The following MCM7 variants were observed in gnomAD, a reference collection of about 807,000 sequenced individuals.
The protein encoded by MCM7 is minichromosome maintenance complex component 7, also known as DNA replication licensing factor MCM7.
MCM7 carries 95 observed loss-of-function variants against 83.5 expected under a neutral mutation model. The ratio of observed to expected loss-of-function variants is 1.14; its 90% CI spans 0.96 to 1.35. MCM7 has a LOEUF of 1.35. Among genes scored for constraint, MCM7 ranks in the 40% most tolerant of loss-of-function variants. The probability of loss-of-function intolerance (pLI) is 0.00; values close to 1 mark genes in which losing one functional copy is unlikely to be tolerated. For synonymous variants in MCM7, 461 were observed against 352.7 expected (o/e 1.31, Z -3.44); for missense variants, 1,087 against 957.4 (o/e 1.14, Z -1.79).
intron 1 of MCM7, 21 bp from the exon 2 acceptor site, chr7:100,100,114 C>T (rs372512173): frequency 4.3e-6 from 7 of 1,612,656 alleles, no homozygotes; most frequent in African/African-American, 2.7e-5. Flanking sequence ...AAATGTAAAA[C>T]CGTAAGACAC....
rs376400426 is a variant in MCM7, at chr7:100,098,654, C to T, written c.644G>A (p.Arg215His). 77 of 1,614,032 alleles carry T rather than the reference C, an allele frequency of 4.8e-5. No homozygotes were observed. Among genetic ancestry groups the T allele is most frequent in the East Asian group, 4.2e-4 (19 of 44,884 alleles). ...CTGCAGATACAGCCGCCCTCCTGAG[C>T]GGTTGGTTTGGCACTCCTGGCTTGG... ...MCPSQECQTN[R>H]SGGRLYLQTR... Residue 215 changes from arginine (R) to histidine (H), a missense_variant, in exon 6 of 15, where the codon CGC (arginine) becomes CAC (histidine). Coordinates refer to ENST00000303887, the MANE Select transcript of MCM7 (RefSeq NM_005916.5).
rs139535707 is a variant in MCM7, at chr7:100,095,774, C to G, written c.1595G>C (p.Arg532Pro). ...QDRPDRDNDL[R>P]LAQHITYVHQ... is the part of the protein sequence containing the mutation. Reference sequence around the variant, plus strand: ...TCTTTGGGTGTTGAGCTTCATTCACCGTAGGTCATTGTCTCGGTCGGGCCG... The same window carrying G: ...TCTTTGGGTGTTGAGCTTCATTCACGGTAGGTCATTGTCTCGGTCGGGCCG... The change falls in exon 11 of 15, where the codon CGG (arginine) becomes CCG (proline). Residue 532 changes from arginine to proline, a missense_variant and splice_region_variant. Physicochemically the swap from Arg to Pro is moderately radical, Grantham distance 103 (BLOSUM62 -2). Coordinates refer to ENST00000303887, the MANE Select transcript of MCM7 (RefSeq NM_005916.5). 1.3e-6 allele frequency: 2 copies of G among 1,571,884 alleles called. No individual in the cohort carries two copies. Among genetic ancestry groups the G allele is most frequent in the South Asian group, 2.3e-5 (2 of 87,292 alleles).
chr7:100,097,258 T>C (rs1437498350), intron 10 of MCM7, 43 bp downstream of exon 10: 7 of 1,548,582 alleles, frequency 4.5e-6, no homozygotes, highest in East Asian at 2.2e-5. Flanking sequence ...ACTGTGGTCC[T>C]GTCTGTCACT....
At position 100,095,986 on chromosome 7, in the gene MCM7, G is replaced by A. The variant is rs1356182495; in HGVS notation, c.1383C>T (p.Val461=). 1 of 1,613,974 alleles carries A rather than the reference G, an allele frequency of 6.2e-7. No individual in the cohort carries two copies. Among genetic ancestry groups the A allele is most frequent in the Admixed American group, 1.7e-5 (1 of 60,000 alleles). ...AEADRTAIHE[V]MEQQTISIAK... is the part of the protein sequence containing the mutation. ...CAATGGAGATGGTCTGCTGCTCCAT[G>A]ACCTCGTGGATGGCTGTGCGGTCGG... is the stretch of plus-strand genomic sequence containing the variant. Residue 461 remains valine, a synonymous_variant, in exon 11 of 15, where the codon GTC becomes GTT. Transcript: ENST00000303887.
chr7:100,094,101 A>T lies in MCM7; in HGVS notation c.1848+72T>A. ...CTGGAGCGGGAGGTGGGGAGGCGGCAATGAGAGCACGGTAAGGAGCTACCC... is the reference window on the plus strand; with the variant it reads ...CTGGAGCGGGAGGTGGGGAGGCGGCTATGAGAGCACGGTAAGGAGCTACCC... On this transcript the variant is annotated intron_variant, in intron 13 of 14. Transcript: ENST00000303887. The T allele has an allele frequency of 3.1e-6, 5 of 1,592,586 alleles. No individual in the cohort carries two copies. In the South Asian group the frequency reaches 5.5e-5, roughly 18 times the overall value.
rs959571356 is a variant in MCM7 at position 100,101,160 on chromosome 7, C to T, written c.31+104G>A. On this transcript the variant is annotated intron_variant, in intron 1 of 14. Coordinates refer to ENST00000303887, the MANE Select transcript of MCM7 (RefSeq NM_005916.5). ...ACCCTGCCTCTGGCCTCGCGCACCC[C>T]AGAACCCGCCGACCCCGGTCCCCCA... is the stretch of plus-strand genomic sequence containing the variant. 21 of 1,476,744 alleles carry T rather than the reference C, an allele frequency of 1.4e-5. No individual in the cohort carries two copies. In the Admixed American group the frequency reaches 2.9e-4, roughly 20 times the overall value. The allele number at this position is 1,476,744 out of a possible 1,614,324, so 91.5% of individuals were successfully genotyped here.
chr7:100,096,202 AAG>A (rs763841464), intron 10 of MCM7, 35 bp from the exon 11 acceptor site: 1 of 1,521,710 alleles, frequency 6.6e-7, no homozygotes, highest in Non-Finnish European at 8.8e-7. Context: ...ATGAGAGAGA[AAG>A]AACAAGAAAG....
At position 100,099,644 on chromosome 7, in the gene MCM7, G is replaced by A. The variant is rs759948279; in HGVS notation, c.221C>T (p.Ala74Val). 6.2e-6 allele frequency: 10 copies of A among 1,614,096 alleles called. No homozygotes were observed. The highest frequency in any genetic ancestry group is 1.1e-5 in the South Asian group (1 of 91,078). The change falls in exon 3 of 15, where the codon GCG becomes GTG. Residue 74 changes from alanine (A) to valine (V), a missense_variant. Ala to Val is a moderately conservative substitution (Grantham distance 64). Coordinates refer to ENST00000303887, the MANE Select transcript of MCM7 (RefSeq NM_005916.5). ...TTGTACGGCATCAGCAAAGAGCTTCGCGTAGCGCCTGGCATTCTCACAAAT... is the reference window on the plus strand; with the variant it reads ...TTGTACGGCATCAGCAAAGAGCTTCACGTAGCGCCTGGCATTCTCACAAAT... ...DSICENARRY[A>V]KLFADAVQEL...
Position 100,098,592 on chromosome 7 carries a change from T to C in MCM7, c.706A>G (p.Lys236Glu). 2.5e-6 allele frequency: 4 copies of C among 1,614,206 alleles called. No homozygotes were observed. The highest frequency in any genetic ancestry group is 3.4e-6 in the Non-Finnish European group (4 of 1,180,034). Residue 236 changes from lysine (K) to glutamate (E), a missense_variant, in exon 6 of 15, where the codon AAG (lysine) becomes GAG (glutamate). Transcript: ENST00000303887. ...CCCAAACTCACATGTTCTTGCATCT[T>C]CATCTCCTGGAATTTGATGAATCTG... Reference protein sequence around the residue: ...GSRFIKFQEMKMQEHSDQVPV... With the variant: ...GSRFIKFQEMEMQEHSDQVPV...
chr7:100,098,384 C>T (rs1795758405), intron 6 of MCM7, 94 bp from the exon 7 acceptor site: 3 of 1,523,134 alleles, frequency 2.0e-6, no homozygotes, highest in African/African-American at 2.7e-5. Flanking sequence ...CCAGGCTACC[C>T]AGCCACAGAC....
chr7:100,095,662 G>A, intron 11 of MCM7, 112 bp downstream of exon 11: 1 of 1,426,916 alleles, frequency 7.0e-7, no homozygotes. Context: ...CTGCTGCAAA[G>A]GGGAGGCTCT....
chr7:100,093,090 G>A lies in MCM7; in HGVS notation c.2002C>T (p.Leu668=). 6.2e-7 allele frequency: 1 copy of A among 1,614,224 alleles called. No homozygotes were observed. Among genetic ancestry groups the A allele is most frequent in the East Asian group, 2.2e-5 (1 of 44,884 alleles). Residue 668 remains leucine, a synonymous_variant, in exon 15 of 15, where the codon CTG becomes TTG. Coordinates refer to ENST00000303887, the MANE Select transcript of MCM7 (RefSeq NM_005916.5). ...ADVIFATVRE[L]VSGGRSVRFS... ...CGGACACTTCGGCCCCCTGAGACCA[G>A]TTCACGGACGGTGGCAAATATCACA... is the stretch of plus-strand genomic sequence containing the variant.
Position 100,099,808 on chromosome 7 carries a change from G to A in MCM7, c.112-55C>T, listed in dbSNP as rs1795853638. On this transcript the variant is annotated intron_variant, in intron 2 of 14. Coordinates refer to ENST00000303887, the MANE Select transcript of MCM7 (RefSeq NM_005916.5). The stretch of plus-strand genomic sequence containing the variant: ...AGAGCCACATTCACTTTGCTCACCA[G>A]TGTTCATATGTGAAAATGCATCACT... 2.3e-5 allele frequency: 37 copies of A among 1,596,390 alleles called. No homozygotes were observed. The East Asian group carries it at 3.6e-4, about 15-fold the overall frequency.
chr7:100,096,270 T>C (rs1286001655), intron 10 of MCM7, 103 bp from the exon 11 acceptor site: 4 of 1,157,518 alleles, frequency 3.5e-6, no homozygotes, highest in Non-Finnish European at 4.7e-6. Context: ...GCTGGGATCA[T>C]TCCACTCCCT....
intron 1 of MCM7, chr7:100,100,450 CCT>C (rs1795916696): frequency 1.2e-5 from 12 of 1,003,084 alleles, no homozygotes; most frequent in African/African-American, 1.7e-5. Flanking sequence ...CCCCTTAGCC[CCT>C]GATTTCACCG....
At chr7:100,096,531 G>C (rs545483647) in intron 10 of MCM7, among the ~76,000 whole-genome samples, 1 of 152,296 alleles carries the variant, frequency 6.6e-6, no homozygotes, top group Admixed American at 6.5e-5. Flanking sequence ...CAGCACTTTC[G>C]GAGGCCGATA....
At chr7:100,099,496 C>G (rs1332588459) in intron 3 of MCM7, 93 bp from the exon 4 acceptor site, 1 of 1,585,232 alleles carries the variant, frequency 6.3e-7, no homozygotes, top group Non-Finnish European at 8.6e-7. Context: ...CCCCTCCTTT[C>G]TGCCTGCTCA....
At position 100,101,377 on chromosome 7, in the gene MCM7, T is replaced by A; in HGVS notation, c.-83A>T. 1.9e-6 allele frequency: 3 copies of A among 1,583,890 alleles called. No homozygotes were observed. The highest frequency in any genetic ancestry group is 1.7e-5 in the Admixed American group (1 of 59,252). On this transcript the variant is annotated 5_prime_UTR_variant, in exon 1 of 15. Transcript: ENST00000303887. ...AGCTGAGAATCTCCGCGCGGTGGAC[T>A]GTGGCCGGCCAACCGAAATTGGCGC...
chr7:100,093,696 CT>C, intron 13 of MCM7: 3 of 685,120 alleles, frequency 4.4e-6, no homozygotes, highest in Non-Finnish European at 8.4e-6. Flanking sequence ...TTGAACGCCA[CT>C]GGGCTCCCCA....
Sources: gnomAD v4.1 joint callset for allele counts (sites outside exome capture counted in the v4.1 genomes callset) on GRCh38, gnomAD v4.1.1 for gene constraint, MANE v1.5 for transcripts, NCBI Gene and HGNC (gene_info 2026-07-23, HGNC 2026-07-21) for gene names.